The following TYW3 variants were observed in gnomAD, a reference collection of about 807,000 sequenced individuals.
TYW3 encodes tRNA wybutosine-synthesizing protein 3 homolog.
TYW3 carries 26 observed loss-of-function variants against 23.1 expected under a neutral mutation model. The ratio of observed to expected loss-of-function variants is 1.13; its 90% CI spans 0.83 to 1.56. TYW3 has a LOEUF of 1.56. Ranked by LOEUF, TYW3 falls within the 40% of genes most tolerant of loss-of-function variation. TYW3 has a pLI of 0.00. For missense variants in TYW3, 316 were observed against 311.9 expected (o/e 1.01, Z -0.10); for synonymous variants, 102 against 105.7 (o/e 0.97, Z 0.21).
intron 5 of TYW3, among the ~76,000 whole-genome samples, chr1:74,754,472 C>T (rs1208811297): frequency 1.3e-5 from 2 of 152,070 alleles, no homozygotes; most frequent in Non-Finnish European, 2.9e-5. Flanking sequence ...CCTTTGGGAA[C>T]AGCTGTATGT....
chr1:74,752,286 T>C lies in TYW3; in HGVS notation c.427-6T>C, dbSNP rs1648810208. On this transcript the variant is annotated splice_region_variant and splice_polypyrimidine_tract_variant and intron_variant, in intron 4 of 5. Coordinates refer to ENST00000370867, the MANE Select transcript of TYW3 (RefSeq NM_138467.3). ...TCTTCATATCTAAATTGTTTTTTCC[T>C]TGTAGGCTGTCCGGAGTACACATGG... The C allele has an allele frequency of 1.3e-6, 2 of 1,595,318 alleles. No individual in the cohort carries two copies. The highest frequency in any genetic ancestry group is 1.7e-6 in the Non-Finnish European group (2 of 1,172,176).
chr1:74,738,196 C>A (rs1417949210), intron 2 of TYW3, among the ~76,000 whole-genome samples: 2 of 152,056 alleles, frequency 1.3e-5, no homozygotes, highest in African/African-American at 4.8e-5. Context: ...TGGCTGTGCT[C>A]TGAGCTCTTT....
At chr1:74,734,345 T>G (rs923936672) in intron 1 of TYW3, among the ~76,000 whole-genome samples, 1 of 152,208 alleles carries the variant, frequency 6.6e-6, no homozygotes, top group African/African-American at 2.4e-5. Context: ...TCAGATCGAC[T>G]GTGGTGGTAT....
rs1648242941 is a variant in TYW3 at position 74,738,729 on chromosome 1, A to C, written c.295A>C (p.Lys99Gln). The change falls in exon 3 of 6, where the codon AAA becomes CAA. Residue 99 changes from lysine to glutamine, a missense_variant. Transcript: ENST00000370867. Reference protein sequence around the residue: ...LKKANGDATLKFEPFVLHVQC... With the variant: ...LKKANGDATLQFEPFVLHVQC... ...GAAAGCAAATGGTGATGCCACTTTG[A>C]AATTTGAACCATTTGTTCTTCATGT... 6.2e-7 allele frequency: 1 copy of C among 1,609,984 alleles called. No individual in the cohort carries two copies. Among genetic ancestry groups the C allele is most frequent in the Non-Finnish European group, 8.5e-7 (1 of 1,176,890 alleles).
chr1:74,744,423 G>C (rs1049029793), intron 3 of TYW3, among the ~76,000 whole-genome samples: 1 of 152,058 alleles, frequency 6.6e-6, no homozygotes, highest in Non-Finnish European at 1.5e-5. Context: ...CACGGTTTGC[G>C]GGTCAAATTG....
chr1:74,738,015 G>A (rs184843560), intron 2 of TYW3, among the ~76,000 whole-genome samples: 2 of 152,138 alleles, frequency 1.3e-5, no homozygotes, highest in Non-Finnish European at 2.9e-5. Context: ...AGCTAGGAAC[G>A]TGCTCAGGGG....
Position 74,763,949 on chromosome 1 carries a change from C to G in TYW3, c.616C>G (p.Pro206Ala), listed in dbSNP as rs763654596. The G allele has an allele frequency of 1.2e-6, 2 of 1,608,398 alleles. No individual in the cohort carries two copies. The highest frequency in any genetic ancestry group is 1.3e-5 in the African/African-American group (1 of 74,318). The change falls in exon 6 of 6, where the codon CCC (proline) becomes GCC (alanine). Residue 206 changes from proline (P) to alanine (A), a missense_variant. Coordinates refer to ENST00000370867, the MANE Select transcript of TYW3 (RefSeq NM_138467.3). The part of the protein sequence containing the change: ...LERETMTNLH[P>A]KIKEKNNSSY... ...AAGGGAAACGATGACTAACTTACAT[C>G]CCAAGATCAAAGAGAAAAATAACTC... is the stretch of plus-strand genomic sequence containing the variant.
intron 3 of TYW3, among the ~76,000 whole-genome samples, chr1:74,740,970 G>A (rs772667383): frequency 2.7e-5 from 4 of 150,334 alleles, no homozygotes; most frequent in Non-Finnish European, 1.5e-5. Context: ...TGGCGATGAC[G>A]GCTCTAGCTA....
chr1:74,750,800 CTTTTTTTTTTTT>C (rs34468239), intron 4 of TYW3, among the ~76,000 whole-genome samples: 3 of 67,680 alleles, frequency 4.4e-5, no homozygotes, highest in African/African-American at 5.6e-5. Flanking sequence ...TCCCCCGCTC[CTTTTTTTTTTTT>C]TTTTTTTTTT....
chr1:74,763,546 T>A (rs1471027611), intron 5 of TYW3, among the ~76,000 whole-genome samples: 1 of 152,102 alleles, frequency 6.6e-6, no homozygotes, highest in Non-Finnish European at 1.5e-5. Flanking sequence ...GTAGAGGTGA[T>A]CTGTATTTGT....
Position 74,764,293 on chromosome 1 carries a change from A to G in TYW3, c.*180A>G, listed in dbSNP as rs2100781733. On this transcript the variant is annotated 3_prime_UTR_variant, in exon 6 of 6. Coordinates refer to ENST00000370867, the MANE Select transcript of TYW3 (RefSeq NM_138467.3). ...ATGTGCAGTTGTCATCTAAGCTCTC[A>G]GCAGTACCCGGCTTATCCTACGACT... is the stretch of plus-strand genomic sequence containing the variant. The G allele has an allele frequency of 1.8e-6, 1 of 542,490 alleles. No homozygotes were observed. Among genetic ancestry groups the G allele is most frequent in the African/African-American group, 1.9e-5 (1 of 52,056 alleles). The allele number at this position is 542,490 out of a possible 1,614,324, so 33.6% of individuals were successfully genotyped here.
chr1:74,737,226 A>G (rs1648184193), intron 2 of TYW3, among the ~76,000 whole-genome samples: 4 of 152,212 alleles, frequency 2.6e-5, no homozygotes, highest in Admixed American at 2.6e-4. Flanking sequence ...TCAGATGTTC[A>G]AATCTTGTCT....
chr1:74,762,248 G>A (rs1279966754), intron 5 of TYW3, among the ~76,000 whole-genome samples: 1 of 152,088 alleles, frequency 6.6e-6, no homozygotes, highest in Non-Finnish European at 1.5e-5. Context: ...GATATTTGGA[G>A]TTTTGGAGTT....
intron 5 of TYW3, among the ~76,000 whole-genome samples, chr1:74,756,334 A>G (rs1370715171): frequency 6.6e-6 from 1 of 152,172 alleles, no homozygotes; most frequent in Non-Finnish European, 1.5e-5. Flanking sequence ...AACTTCCTAG[A>G]GACTTGTCTA....
chr1:74,743,838 G>T (rs28831813), intron 3 of TYW3, among the ~76,000 whole-genome samples: 4 of 151,916 alleles, frequency 2.6e-5, no homozygotes, highest in African/African-American at 4.8e-5. Context: ...AAAGGCCAGG[G>T]TTTGATCTAA....
At chr1:74,741,202 G>A (rs1648347619) in intron 3 of TYW3, among the ~76,000 whole-genome samples, 3 of 152,192 alleles carry the variant, frequency 2.0e-5, no homozygotes, top group South Asian at 4.1e-4. Context: ...CATTAAAGGG[G>A]TAAAGAGAGG....
At position 74,733,380 on chromosome 1, in the gene TYW3, A is replaced by G; in HGVS notation, c.136A>G (p.Thr46Ala). Residue 46 changes from threonine (T) to alanine (A), a missense_variant, in exon 1 of 6, where the codon ACC (threonine) becomes GCC (alanine). By Grantham distance (58) the Thr-to-Ala change is moderately conservative. Coordinates refer to ENST00000370867, the MANE Select transcript of TYW3 (RefSeq NM_138467.3). Reference sequence around the variant, plus strand: ...GAACATGCGAGATCAGTTTTTCACCACCAGCTCCTGCGCTGGCCGCATCCT... The same window carrying G: ...GAACATGCGAGATCAGTTTTTCACCGCCAGCTCCTGCGCTGGCCGCATCCT... ...FLNMRDQFFT[T>A]SSCAGRILLL... is the part of the protein sequence containing the mutation. 3 of 1,614,102 alleles carry G rather than the reference A, an allele frequency of 1.9e-6. No homozygotes were observed. The highest frequency in any genetic ancestry group is 2.5e-6 in the Non-Finnish European group (3 of 1,180,006).
intron 4 of TYW3, among the ~76,000 whole-genome samples, chr1:74,751,959 TTTTC>T (rs1020205870): frequency 4.6e-5 from 7 of 152,192 alleles, no homozygotes; most frequent in African/African-American, 1.4e-4. Flanking sequence ...TCTGTTGAGG[TTTTC>T]TTTCTTTCTT....
At chr1:74,738,639 C>G (rs1195684286) in intron 2 of TYW3, 51 bp from the exon 3 acceptor site, 4 of 1,354,580 alleles carry the variant, frequency 3.0e-6, no homozygotes, top group Non-Finnish European at 4.1e-6. Context: ...TAAAGGGTCG[C>G]CAAAGGACAG....
Sources: gnomAD v4.1 joint callset for allele counts (sites outside exome capture counted in the v4.1 genomes callset) on GRCh38, gnomAD v4.1.1 for gene constraint, MANE v1.5 for transcripts, NCBI Gene and HGNC (gene_info 2026-07-23, HGNC 2026-07-21) for gene names.